Variants in HTR3B observed in about 807,000 individuals in gnomAD.
The protein encoded by HTR3B is 5-hydroxytryptamine (serotonin) receptor 3B, ionotropic.
A neutral mutation model predicts 42.8 loss-of-function variants in HTR3B; 44 were observed. That is an observed-to-expected ratio of 1.03 (90% confidence interval 0.81 to 1.32). The LOEUF is 1.32. HTR3B is among the 40% of genes most tolerant of loss of function. The pLI, the probability that HTR3B is intolerant of heterozygous loss-of-function variation, is 0.00. For synonymous variants in HTR3B, 203 were observed against 209.0 expected, an observed-to-expected ratio of 0.97 and a Z score of 0.25; for missense variants, 527 against 536.5, an observed-to-expected ratio of 0.98 and a Z score of 0.17.
chr11:113,911,133 G>A (rs1375481428), intron 2 of HTR3B, among the ~76,000 whole-genome samples: 3 of 151,702 alleles, frequency 2.0e-5, no homozygotes, highest in Non-Finnish European at 2.9e-5. Flanking sequence ...GCCAAAAATT[G>A]TTTTCTAATT....
intron 2 of HTR3B, among the ~76,000 whole-genome samples, chr11:113,924,558 G>T (rs562259052): frequency 6.7e-6 from 1 of 149,212 alleles, no homozygotes; most frequent in African/African-American, 2.5e-5. Context: ...CTGGGAGGTT[G>T]AGGCTGCAGT....
intron 6 of HTR3B, among the ~76,000 whole-genome samples, chr11:113,942,098 G>C (rs951651776): frequency 1.3e-5 from 2 of 152,116 alleles, no homozygotes; most frequent in Non-Finnish European, 1.5e-5. Context: ...AGCCAGGCAC[G>C]GTGGCTCACA....
chr11:113,928,080 G>A (rs1168957706), intron 2 of HTR3B, among the ~76,000 whole-genome samples: 3 of 152,022 alleles, frequency 2.0e-5, no homozygotes, highest in African/African-American at 7.2e-5. Flanking sequence ...TCCCCTCTCC[G>A]TGTCCATGTG....
intron 2 of HTR3B, among the ~76,000 whole-genome samples, chr11:113,920,958 G>T (rs1446643184): frequency 2.0e-5 from 3 of 147,072 alleles, no homozygotes; most frequent in African/African-American, 7.6e-5. Flanking sequence ...GATTACAGGT[G>T]CCCACCACCA....
chr11:113,937,973 C>T (rs1950104422), intron 6 of HTR3B, among the ~76,000 whole-genome samples: 1 of 152,192 alleles, frequency 6.6e-6, no homozygotes, highest in African/African-American at 2.4e-5. Flanking sequence ...CTTGCCTCTC[C>T]TCTGCCTCTG....
In HTR3B at chr11:113,913,350, A is replaced by ATTTTTTTTTTTTTTTTTTTT. The variant is rs71063533; in HGVS notation, c.213+3908_213+3927dup. Among the ~76,000 whole-genome samples, 19 of 61,522 alleles carry ATTTTTTTTTTTTTTTTTTTT rather than the reference A, an allele frequency of 3.1e-4. 1 individual carries two copies. Among genetic ancestry groups the ATTTTTTTTTTTTTTTTTTTT allele is most frequent in the African/African-American group, 7.2e-4 (10 of 13,944 alleles). 40.4% of individuals were successfully genotyped at this position (61,522 alleles called of 152,430 possible). On this transcript the variant is annotated intron_variant, in intron 2 of 8. Transcript: ENST00000260191. ...AGGTGCCTGCCACCATGTCTGGCTA[A>ATTTTTTTTTTTTTTTTTTTT]TTTTTTTTTTTTTTTTTTTTTTTTT...
At chr11:113,916,055 T>G (rs1465250800) in intron 2 of HTR3B, among the ~76,000 whole-genome samples, 2 of 152,244 alleles carry the variant, frequency 1.3e-5, no homozygotes, top group Non-Finnish European at 2.9e-5. Flanking sequence ...CAGGCTGGTC[T>G]CTAACTCCTG....
At chr11:113,942,275 C>CA (rs1371820607) in intron 6 of HTR3B, among the ~76,000 whole-genome samples, 1 of 151,296 alleles carries the variant, frequency 6.6e-6, no homozygotes, top group South Asian at 2.1e-4. Flanking sequence ...GACTCCGTCT[C>CA]AAAAAAAAGA....
intron 2 of HTR3B, among the ~76,000 whole-genome samples, chr11:113,918,338 A>C (rs941346474): frequency 6.6e-6 from 1 of 151,470 alleles, no homozygotes; most frequent in African/African-American, 2.4e-5. Context: ...TTTTGTAATC[A>C]GCACCACAAT....
chr11:113,929,818 T>A (rs1565562873), intron 2 of HTR3B, among the ~76,000 whole-genome samples: 1 of 152,150 alleles, frequency 6.6e-6, no homozygotes, highest in Non-Finnish European at 1.5e-5. Context: ...CTGCAAGCTC[T>A]GCCTCCTGGG....
At chr11:113,932,198 C>A in intron 4 of HTR3B, 91 bp from the exon 5 acceptor site, 1 of 1,056,286 alleles carries the variant, frequency 9.5e-7, no homozygotes, top group Non-Finnish European at 1.4e-6. Flanking sequence ...TGGTCCTGGA[C>A]CTCATGGTCA....
At chr11:113,932,848 G>C in intron 5 of HTR3B, 88 bp from the exon 6 acceptor site, 1 of 1,367,708 alleles carries the variant, frequency 7.3e-7, no homozygotes, top group Non-Finnish European at 1.0e-6. Context: ...AGGAGAACGA[G>C]GAAGGATTCG....
At position 113,932,435 on chromosome 11, in the gene HTR3B, C is replaced by T; in HGVS notation, c.515C>T (p.Thr172Ile). 6.2e-7 allele frequency: 1 copy of T among 1,613,952 alleles called. No individual in the cohort carries two copies. Among genetic ancestry groups the T allele is most frequent in the South Asian group, 1.1e-5 (1 of 91,066 alleles). The change falls in exon 5 of 9, where the codon ACC (threonine) becomes ATC (isoleucine). Residue 172 changes from threonine to isoleucine, a missense_variant. Thr to Ile is a moderately conservative substitution (Grantham distance 89). Transcript: ENST00000260191. ...FPFDVQNCSL[T>I]FKSILHTVED... ...TTTGATGTCCAGAATTGCAGCCTGA[C>T]CTTCAAGAGCATTCTGCATACAGGT...
chr11:113,901,031 G>C (rs1417345256), upstream of HTR3B, among the ~76,000 whole-genome samples: 1 of 152,130 alleles, frequency 6.6e-6, no homozygotes, highest in Non-Finnish European at 1.5e-5. Flanking sequence ...AGATTTGGGT[G>C]GGGACATACA....
intron 2 of HTR3B, among the ~76,000 whole-genome samples, chr11:113,919,108 T>G (rs1297265633): frequency 1.3e-5 from 2 of 152,214 alleles, no homozygotes; most frequent in Non-Finnish European, 2.9e-5. Context: ...TAAAAATATT[T>G]TAAATATTGG....
At position 113,948,186 on chromosome 11, in the gene HTR3B, T is replaced by C. The variant is rs1462791157; in HGVS notation, c.*2049T>C. 2.6e-5 allele frequency among the ~76,000 whole-genome samples: 4 copies of C among 152,334 alleles called. No individual in the cohort carries two copies. Among genetic ancestry groups the C allele is most frequent in the Non-Finnish European group, 1.5e-5 (1 of 68,022 alleles). On this transcript the variant is annotated 3_prime_UTR_variant, in exon 9 of 9. Transcript: ENST00000260191. Reference sequence around the variant, plus strand: ...GTTTCCTTCCTCACTTCCTACTTTCTACTGCTGGCCTCCTCTGCTTTGACG... The same window carrying C: ...GTTTCCTTCCTCACTTCCTACTTTCCACTGCTGGCCTCCTCTGCTTTGACG...
rs930385618 is a variant in HTR3B at position 113,947,496 on chromosome 11, G to A, written c.*1359G>A. Among the ~76,000 whole-genome samples, 9 of 152,220 alleles carry A rather than the reference G, an allele frequency of 5.9e-5. No homozygotes were observed. The highest frequency in any genetic ancestry group is 4.1e-4 in the South Asian group (2 of 4,828). Reference sequence around the variant, plus strand: ...TTTCTCACCAGTCTGGAAGCTAGAAGCCTAAGATCAAGGTGCAAACAGGGT... The same window carrying A: ...TTTCTCACCAGTCTGGAAGCTAGAAACCTAAGATCAAGGTGCAAACAGGGT... On this transcript the variant is annotated 3_prime_UTR_variant, in exon 9 of 9. Coordinates refer to ENST00000260191, the MANE Select transcript of HTR3B (RefSeq NM_006028.5).
intron 2 of HTR3B, among the ~76,000 whole-genome samples, chr11:113,914,809 G>A (rs757133047): frequency 9.2e-5 from 14 of 152,110 alleles, no homozygotes; most frequent in African/African-American, 1.4e-4. Flanking sequence ...TTCTGAAGGC[G>A]TTGTATAATG....
chr11:113,926,847 G>C (rs185821648), intron 2 of HTR3B, among the ~76,000 whole-genome samples: 13 of 152,202 alleles, frequency 8.5e-5, no homozygotes, highest in African/African-American at 2.6e-4. Context: ...TTTTCAAACT[G>C]ACTGAATCAC....
Sources: gnomAD v4.1 joint callset for allele counts (sites outside exome capture counted in the v4.1 genomes callset) on GRCh38, gnomAD v4.1.1 for gene constraint, MANE v1.5 for transcripts, NCBI Gene and HGNC (gene_info 2026-07-23, HGNC 2026-07-21) for gene names.